The following ABCA10 variants were observed in gnomAD, a reference collection of about 807,000 sequenced individuals.
The protein encoded by ABCA10 is ATP binding cassette subfamily A member 10, also known as ATP-binding cassette sub-family A member 10.
In ABCA10, 169 loss-of-function variants were observed where a neutral mutation model predicts 187.5. The ratio of observed to expected loss-of-function variants is 0.90; its 90% CI spans 0.80 to 1.02. The LOEUF is 1.02. Ranked by LOEUF, ABCA10 falls within the 50% of genes least tolerant of loss-of-function variation. ABCA10 has a pLI of 0.00. For missense variants in ABCA10, 1,727 were observed against 1,812.4 expected, an observed-to-expected ratio of 0.95 and a Z score of 0.86; for synonymous variants, 574 against 601.8, an observed-to-expected ratio of 0.95 and a Z score of 0.68.
In ABCA10 at chr17:69,152,400, C is replaced by G. The variant is rs2074136389; in HGVS notation, c.4218G>C (p.Val1406=). ...ACACCATCATGGCCATACGGTCACACACAGCCTCAGCCTCTGACATGTAAT... is the reference window on the plus strand; with the variant it reads ...ACACCATCATGGCCATACGGTCACAGACAGCCTCAGCCTCTGACATGTAAT... ...TTHYMSEAEA[V]CDRMAMMVSG... Residue 1406 remains valine, a synonymous_variant, in exon 35 of 39, where the codon GTG becomes GTC. Coordinates refer to ENST00000690296, the MANE Select transcript of ABCA10 (RefSeq NM_001377321.1). 1.2e-6 allele frequency: 2 copies of G among 1,614,060 alleles called. No homozygotes were observed. Among genetic ancestry groups the G allele is most frequent in the Non-Finnish European group, 1.7e-6 (2 of 1,179,966 alleles).
In ABCA10 at chr17:69,219,626, A is replaced by C. The variant is rs1194753283; in HGVS notation, c.449T>G (p.Phe150Cys). 3 of 1,611,470 alleles carry C rather than the reference A, an allele frequency of 1.9e-6. No homozygotes were observed. Among genetic ancestry groups the C allele is most frequent in the Non-Finnish European group, 2.5e-6 (3 of 1,178,956 alleles). ...CLVSFSSFIY[F>C]ASLNVARERG... ...TTCCCTTGCAACATTTAATGATGCA[A>C]AGTATATAAAAGAAGAGAAAGAAAC... Residue 150 changes from phenylalanine (F) to cysteine (C), a missense_variant, in exon 6 of 39, where the codon TTT becomes TGT. Transcript: ENST00000690296.
rs2144806831 is a variant in ABCA10, at chr17:69,194,401, C to T, written c.1329G>A (p.Leu443=). The T allele has an allele frequency of 6.2e-7, 1 of 1,611,456 alleles. No individual in the cohort carries two copies. The highest frequency in any genetic ancestry group is 8.5e-7 in the Non-Finnish European group (1 of 1,178,192). ...KSTLLNILSG[L]SVSTEGSATI... ...TTTTCTCACCTTCTGTAGAAACAGACAATCCACTAAGAATGTTTAGCAGTG... is the reference window on the plus strand; with the variant it reads ...TTTTCTCACCTTCTGTAGAAACAGATAATCCACTAAGAATGTTTAGCAGTG... Residue 443 remains leucine, a synonymous_variant, in exon 12 of 39, where the codon TTG becomes TTA. Coordinates refer to ENST00000690296, the MANE Select transcript of ABCA10 (RefSeq NM_001377321.1).
chr17:69,176,151 G>C (rs764519425), intron 22 of ABCA10, among the ~76,000 whole-genome samples: 15 of 152,256 alleles, frequency 9.9e-5, no homozygotes, highest in Non-Finnish European at 2.1e-4. Context: ...GGGAGCTACA[G>C]TTATCATATC....
intron 25 of ABCA10, among the ~76,000 whole-genome samples, chr17:69,170,098 G>A (rs2074286121): frequency 6.6e-6 from 1 of 151,924 alleles, no homozygotes; most frequent in Non-Finnish European, 1.5e-5. Flanking sequence ...GACCAGCCTG[G>A]CCAAGATGGT....
At position 69,193,268 on chromosome 17, in the gene ABCA10, T is replaced by A; in HGVS notation, c.1642-20A>T. On this transcript the variant is annotated intron_variant, in intron 14 of 38. Coordinates refer to ENST00000690296, the MANE Select transcript of ABCA10 (RefSeq NM_001377321.1). The stretch of plus-strand genomic sequence containing the variant: ...CAAAACCTACAGAGGAGGAAACGTA[T>A]GAAAGCATCTTCCTCTTCACAGTGA... 1 of 1,605,294 alleles carries A rather than the reference T, an allele frequency of 6.2e-7. No individual in the cohort carries two copies. Among genetic ancestry groups the A allele is most frequent in the Non-Finnish European group, 8.5e-7 (1 of 1,177,444 alleles).
At chr17:69,177,955 CAAAAAAAAAA>C (rs11320201) in intron 22 of ABCA10, among the ~76,000 whole-genome samples, 1 of 64,976 alleles carries the variant, frequency 1.5e-5, no homozygotes, top group African/African-American at 5.2e-5. Flanking sequence ...GACTCCATTT[CAAAAAAAAAA>C]AAAAAAAAAT....
chr17:69,214,349 A>G (rs2074685461), intron 9 of ABCA10, among the ~76,000 whole-genome samples: 1 of 151,846 alleles, frequency 6.6e-6, no homozygotes, highest in Non-Finnish European at 1.5e-5. Flanking sequence ...CCCCGTCTCT[A>G]CTAAAAATAC....
Position 69,214,331 on chromosome 17 carries a change from C to T in ABCA10, c.1006+373G>A, listed in dbSNP as rs533524098. Among the ~76,000 whole-genome samples the T allele has an allele frequency of 8.2e-3, 1,253 of 151,892 alleles. 15 individuals are homozygous for T. The highest frequency in any genetic ancestry group is 0.028 in the African/African-American group (1,139 of 41,404). On this transcript the variant is annotated intron_variant, in intron 9 of 38. Coordinates refer to ENST00000690296, the MANE Select transcript of ABCA10 (RefSeq NM_001377321.1). ...GAGATCGAGACCATCCCGGCTAAAACGGTGAAACCCCGTCTCTACTAAAAA... is the reference window on the plus strand; with the variant it reads ...GAGATCGAGACCATCCCGGCTAAAATGGTGAAACCCCGTCTCTACTAAAAA...
intron 9 of ABCA10, among the ~76,000 whole-genome samples, chr17:69,205,274 C>T (rs907662197): frequency 6.6e-6 from 1 of 152,140 alleles, no homozygotes; most frequent in Non-Finnish European, 1.5e-5. Flanking sequence ...CTTACTTCAT[C>T]AAATATTTAT....
intron 20 of ABCA10, 42 bp from the exon 21 acceptor site, chr17:69,182,850 A>G (rs757501185): frequency 3.8e-6 from 5 of 1,313,930 alleles, no homozygotes; most frequent in South Asian, 1.4e-5. Flanking sequence ...AAAAAAAAAA[A>G]GCAAGAAAAT....
In ABCA10 at chr17:69,152,185, T is replaced by G. The variant is rs1213081722; in HGVS notation, c.4257-2A>C. 1 of 1,603,820 alleles carries G rather than the reference T, an allele frequency of 6.2e-7. No individual in the cohort carries two copies. Among genetic ancestry groups the G allele is most frequent in the South Asian group, 1.1e-5 (1 of 88,410 alleles). ...AGATGTTGAATGGAACCAATACACC[T>G]AGTTCAGGGGAAATAAAGAAAAAAT... On this transcript the variant is annotated splice_acceptor_variant, in intron 35 of 38. Coordinates refer to ENST00000690296, the MANE Select transcript of ABCA10 (RefSeq NM_001377321.1). LOFTEE classifies it high-confidence loss of function.
rs781247555 is a variant in ABCA10, at chr17:69,225,309, T to C, written c.34+16A>G. The C allele has an allele frequency of 3.1e-6, 5 of 1,612,390 alleles. No homozygotes were observed. The African/African-American group carries it at 6.7e-5, about 22-fold the overall frequency. On this transcript the variant is annotated intron_variant, in intron 3 of 38. Transcript: ENST00000690296. ...AAGTCACATAATACTGAAACATTGG[T>C]TATTGGACAACACACCTTTCATAAA... is the stretch of plus-strand genomic sequence containing the variant.
chr17:69,223,394 G>A (rs768488113), intron 3 of ABCA10, among the ~76,000 whole-genome samples: 10 of 152,144 alleles, frequency 6.6e-5, no homozygotes, highest in Non-Finnish European at 1.3e-4. Context: ...TAAGAATTAA[G>A]TGTATAGTAA....
intron 27 of ABCA10, among the ~76,000 whole-genome samples, chr17:69,157,950 A>G (rs2074186741): frequency 6.6e-6 from 1 of 151,992 alleles, no homozygotes; most frequent in Non-Finnish European, 1.5e-5. Context: ...ATAAAATAAA[A>G]TTTATTAATT....
chr17:69,210,669 T>C (rs1250160280), intron 9 of ABCA10, among the ~76,000 whole-genome samples: 1 of 151,370 alleles, frequency 6.6e-6, no homozygotes, highest in Non-Finnish European at 1.5e-5. Context: ...GCATATGATG[T>C]TTCGTTTTCC....
intron 17 of ABCA10, among the ~76,000 whole-genome samples, chr17:69,190,826 A>C (rs1354053024): frequency 6.6e-6 from 1 of 151,570 alleles, no homozygotes; most frequent in Non-Finnish European, 1.5e-5. Context: ...TATATAATAA[A>C]ATTATTATAA....
intron 36 of ABCA10, 48 bp from the exon 37 acceptor site, chr17:69,150,111 T>G: frequency 7.1e-7 from 1 of 1,400,018 alleles, no homozygotes; most frequent in Non-Finnish European, 1.0e-6. Context: ...AGTGTGATAA[T>G]ACGGGGGAGG....
intron 6 of ABCA10, among the ~76,000 whole-genome samples, chr17:69,218,886 C>A (rs2074725608): frequency 6.6e-6 from 1 of 152,150 alleles, no homozygotes; most frequent in Non-Finnish European, 1.5e-5. Context: ...GAACTTTTTT[C>A]TGCTCCTCAC....
rs1223293153 is a variant in ABCA10 at position 69,148,289 on chromosome 17, ATCT to A, written c.*535_*537del. 2.2e-4 allele frequency: 33 copies of A among 152,428 alleles called. No individual in the cohort carries two copies. Among genetic ancestry groups the A allele is most frequent in the African/African-American group, 8.0e-4 (33 of 41,448 alleles). The allele number at this position is 152,428 out of a possible 1,614,324, so 9.4% of individuals were successfully genotyped here. On this transcript the variant is annotated 3_prime_UTR_variant, in exon 39 of 39. Transcript: ENST00000690296. ...CGGTACTTTCTTACAGATTATGGCT[ATCT>A]TCTTCCATATAACTTCAATATGTAC...
Sources: allele counts gnomAD v4.1 joint callset (sites outside exome capture counted in the v4.1 genomes callset), GRCh38; gene constraint gnomAD v4.1.1; transcripts MANE v1.5; gene names NCBI Gene and HGNC (gene_info 2026-07-23, HGNC 2026-07-21).